Variants in TMEM181 observed in about 807,000 individuals in gnomAD.
The protein encoded by TMEM181 is transmembrane protein 181.
Under a neutral mutation model 71.9 loss-of-function variants are expected in TMEM181, and 39 were observed. The ratio of observed to expected loss-of-function variants is 0.54; its 90% CI spans 0.42 to 0.71. The LOEUF (loss-of-function observed/expected upper bound fraction) is 0.71, where lower values mean the gene tolerates loss of function less well. TMEM181 is among the 30% of genes least tolerant of loss of function. The pLI, the probability that TMEM181 is intolerant of heterozygous loss-of-function variation, is 0.00. For synonymous variants in TMEM181, 245 were observed against 228.8 expected (o/e 1.07, Z -0.64); for missense variants, 595 against 583.0 (o/e 1.02, Z -0.21).
chr6:158,569,747 T>C (rs954864116), intron 1 of TMEM181, among the ~76,000 whole-genome samples: 1 of 152,106 alleles, frequency 6.6e-6, no homozygotes, highest in Non-Finnish European at 1.5e-5. Flanking sequence ...ATTATAGGCA[T>C]GTGCCATCAC....
intron 6 of TMEM181, among the ~76,000 whole-genome samples, chr6:158,596,946 T>C (rs766393854): frequency 6.6e-6 from 1 of 152,132 alleles, no homozygotes; most frequent in Non-Finnish European, 1.5e-5. Context: ...AGTTGAGATT[T>C]GGGTGGGGGC....
At chr6:158,580,593 A>G (rs997984792) in intron 2 of TMEM181, among the ~76,000 whole-genome samples, 6 of 152,232 alleles carry the variant, frequency 3.9e-5, no homozygotes, top group East Asian at 1.9e-4. Flanking sequence ...TTTACAGAAT[A>G]TATAAGACAG....
chr6:158,631,540 C>T, intron 16 of TMEM181, 151 bp downstream of exon 16: 2 of 925,476 alleles, frequency 2.2e-6, no homozygotes, highest in Admixed American at 4.3e-5. Context: ...TCTGTTTTCA[C>T]AGTATTCAGG....
upstream of TMEM181, among the ~76,000 whole-genome samples, chr6:158,558,816 A>G (rs1225245633): frequency 6.6e-6 from 1 of 152,128 alleles, no homozygotes; most frequent in African/African-American, 2.4e-5. Flanking sequence ...GTAATTTAAC[A>G]GGCTCCGGGG....
At chr6:158,557,674 C>G (rs962025323), upstream of TMEM181, among the ~76,000 whole-genome samples, 2 of 152,146 alleles carry the variant, frequency 1.3e-5, no homozygotes, top group African/African-American at 4.8e-5. Flanking sequence ...CCCGCCATCA[C>G]GCCCAGCTAA....
chr6:158,581,691 C>T (rs1436113187), intron 3 of TMEM181, among the ~76,000 whole-genome samples: 1 of 137,672 alleles, frequency 7.3e-6, no homozygotes, highest in African/African-American at 2.8e-5. Flanking sequence ...GGCGGGGGAG[C>T]TTGCCGTCAG....
chr6:158,611,657 C>G lies in TMEM181; in HGVS notation c.896+2907C>G, dbSNP rs148277442. 169 of 297,026 alleles carry G rather than the reference C, an allele frequency of 5.7e-4. 2 individuals are homozygous for G. Among genetic ancestry groups the G allele is most frequent in the Non-Finnish European group, 9.8e-4 (147 of 150,094 alleles). The allele number at this position is 297,026 out of a possible 1,614,324, so 18.4% of individuals were successfully genotyped here. ...AAAGGACTCCCTGAGTGCTCTGAAT[C>G]AGGCAGCCTTTGGTGGCGGCCCCGC... On this transcript the variant is annotated intron_variant, in intron 10 of 16. Coordinates refer to ENST00000684151, the MANE Select transcript of TMEM181 (RefSeq NM_001376852.1).
chr6:158,561,433 G>A (rs1782165496), intron 1 of TMEM181, among the ~76,000 whole-genome samples: 1 of 152,230 alleles, frequency 6.6e-6, no homozygotes, highest in Non-Finnish European at 1.5e-5. Flanking sequence ...TGCGGCCTAT[G>A]TAAATAATAC....
chr6:158,583,258 AT>A (rs2128300706), intron 3 of TMEM181, among the ~76,000 whole-genome samples: 1 of 152,260 alleles, frequency 6.6e-6, no homozygotes, highest in African/African-American at 2.4e-5. Context: ...CTTGAGATAT[AT>A]TATCTTGTAA....
intron 1 of TMEM181, among the ~76,000 whole-genome samples, chr6:158,539,819 C>G (rs536091722): frequency 6.6e-6 from 1 of 152,316 alleles, no homozygotes; most frequent in African/African-American, 2.4e-5. Context: ...GCCCCAGTTC[C>G]ACTCCTTGCT....
At chr6:158,582,172 T>A (rs1783519645) in intron 3 of TMEM181, among the ~76,000 whole-genome samples, 11 of 152,256 alleles carry the variant, frequency 7.2e-5, no homozygotes, top group Admixed American at 7.2e-4. Flanking sequence ...TTATTTTCTT[T>A]CACTGTTGGC....
At chr6:158,614,734 G>C (rs1314415309) in intron 10 of TMEM181, among the ~76,000 whole-genome samples, 1 of 152,148 alleles carries the variant, frequency 6.6e-6, no homozygotes, top group Non-Finnish European at 1.5e-5. Flanking sequence ...AGAGTATGTG[G>C]TATTTGGTTT....
chr6:158,592,452 C>A (rs1784158833), intron 6 of TMEM181, among the ~76,000 whole-genome samples: 1 of 150,028 alleles, frequency 6.7e-6, no homozygotes, highest in South Asian at 2.1e-4. Context: ...CGAGACCAGC[C>A]TGGACAACAT....
At chr6:158,596,719 T>C (rs559942185) in intron 6 of TMEM181, among the ~76,000 whole-genome samples, 2 of 151,600 alleles carry the variant, frequency 1.3e-5, no homozygotes, top group South Asian at 4.2e-4. Context: ...GCTGGGGAGG[T>C]CTCAGAATCA....
chr6:158,587,850 T>TG (rs769761801), intron 5 of TMEM181, among the ~76,000 whole-genome samples: 42 of 152,316 alleles, frequency 2.8e-4, no homozygotes, highest in Admixed American at 3.3e-4. Flanking sequence ...ACAGCTCTTT[T>TG]GTTAATTAAA....
At chr6:158,626,383 A>G (rs1786276261) in intron 13 of TMEM181, 1 of 456,674 alleles carries the variant, frequency 2.2e-6, no homozygotes, top group East Asian at 6.9e-5. Flanking sequence ...TTCTCCTAAA[A>G]TCAGAATCCA....
chr6:158,624,609 G>A (rs1047837829), intron 11 of TMEM181, among the ~76,000 whole-genome samples: 1 of 152,244 alleles, frequency 6.6e-6, no homozygotes, highest in Non-Finnish European at 1.5e-5. Flanking sequence ...TTAGACCTTA[G>A]GTCCTGTAGG....
At chr6:158,617,740 G>A (rs568250082) in intron 10 of TMEM181, among the ~76,000 whole-genome samples, 1 of 151,970 alleles carries the variant, frequency 6.6e-6, no homozygotes, top group African/African-American at 2.4e-5. Flanking sequence ...CATTTACCCA[G>A]TAGTCATTCA....
At chr6:158,567,933 G>C (rs1782602842) in intron 1 of TMEM181, among the ~76,000 whole-genome samples, 1 of 152,178 alleles carries the variant, frequency 6.6e-6, no homozygotes, top group Admixed American at 6.5e-5. Flanking sequence ...GTCTAAACTT[G>C]ATGGAGTTGG....
Sources: allele counts gnomAD v4.1 joint callset (sites outside exome capture counted in the v4.1 genomes callset), GRCh38; gene constraint gnomAD v4.1.1; transcripts MANE v1.5; gene names NCBI Gene and HGNC (gene_info 2026-07-23, HGNC 2026-07-21).